EXOC1: variants seen among roughly 807,000 people sequenced by gnomAD.
EXOC1 encodes exocyst complex component 1.
In EXOC1, 67 loss-of-function variants were observed where a neutral mutation model predicts 107.7. The observed-to-expected ratio is 0.62, with a 90% confidence interval of 0.51 to 0.76. The LOEUF (loss-of-function observed/expected upper bound fraction) is 0.76. Among genes scored for constraint, EXOC1 ranks in the 30% least tolerant of loss-of-function variants. The probability of loss-of-function intolerance (pLI) is 0.00; values close to 1 mark genes in which losing one functional copy is unlikely to be tolerated. For synonymous variants in EXOC1, 348 were observed against 353.5 expected (o/e 0.98, Z 0.17); for missense variants, 833 against 1,055.7 (o/e 0.79, Z 2.92).
intron 1 of EXOC1, among the ~76,000 whole-genome samples, chr4:55,856,086 A>G (rs1234163895): frequency 1.3e-5 from 2 of 152,244 alleles, no homozygotes; most frequent in Non-Finnish European, 2.9e-5. Flanking sequence ...GGAACGGAAA[A>G]AGGAATCATC....
Position 55,877,142 on chromosome 4 carries a change from G to T in EXOC1, c.1075-775G>T, listed in dbSNP as rs541036859. The stretch of plus-strand genomic sequence containing the variant: ...ACTTAAAAGAATTTAAATTCAGGAC[G>T]CTTATTTAGCTAATGTGTACCAACT... On this transcript the variant is annotated intron_variant, in intron 8 of 18. Transcript: ENST00000381295. 8.2e-6 allele frequency: 8 copies of T among 977,588 alleles called. No individual in the cohort carries two copies. The African/African-American group carries it at 1.4e-4, about 17-fold the overall frequency. 60.6% of individuals were successfully genotyped at this position (977,588 alleles called of 1,614,324 possible). A position where few individuals can be genotyped will look rare whatever the true frequency, so the allele number is the denominator to read the frequency against.
At position 55,893,772 on chromosome 4, in the gene EXOC1, A is replaced by T; in HGVS notation, c.1945A>T (p.Lys649Ter). The T allele has an allele frequency of 6.2e-7, 1 of 1,611,676 alleles. No individual in the cohort carries two copies. Among genetic ancestry groups the T allele is most frequent in the Non-Finnish European group, 8.5e-7 (1 of 1,179,130 alleles). ...VLVTVKRNFDKCISNQIRQME... is the reference protein window; with the variant it reads ...VLVTVKRNFD ...GGTGACTGTCAAAAGGAACTTTGAC[A>T]AATGCATTGTAAGTTTTCTTTTTTA... Residue 649 changes from lysine to a stop codon, truncating the protein, a stop_gained, in exon 15 of 19, where the codon AAA (lysine) becomes TAA (stop). Coordinates refer to ENST00000381295, the MANE Select transcript of EXOC1 (RefSeq NM_001024924.2). LOFTEE classifies it high-confidence loss of function.
intron 16 of EXOC1, 98 bp downstream of exon 16, chr4:55,896,998 C>T (rs988950983): frequency 7.1e-6 from 7 of 987,958 alleles, no homozygotes; most frequent in African/African-American, 5.2e-5. Context: ...TTTTGTATAT[C>T]TTATAATCTT....
intron 8 of EXOC1, among the ~76,000 whole-genome samples, chr4:55,873,636 A>G (rs1225292166): frequency 6.6e-6 from 1 of 152,184 alleles, no homozygotes; most frequent in Non-Finnish European, 1.5e-5. Flanking sequence ...TGAAAAGCTG[A>G]TATGTGTTAT....
intron 15 of EXOC1, 116 bp downstream of exon 15, chr4:55,893,896 C>T (rs1281812114): frequency 2.4e-6 from 2 of 832,044 alleles, no homozygotes; most frequent in East Asian, 5.3e-5. Flanking sequence ...TTGTTTATGT[C>T]CCTCGAAGCA....
At chr4:55,878,488 A>G (rs560612716) in intron 9 of EXOC1, among the ~76,000 whole-genome samples, 33 of 152,316 alleles carry the variant, frequency 2.2e-4, no homozygotes, top group African/African-American at 7.2e-4. Flanking sequence ...CCTACCTAAT[A>G]AGCATCTACT....
Position 55,864,214 on chromosome 4 carries a change from A to G in EXOC1, c.256-13A>G, listed in dbSNP as rs1250947909. On this transcript the variant is annotated splice_polypyrimidine_tract_variant and intron_variant, in intron 3 of 18. Coordinates refer to ENST00000381295, the MANE Select transcript of EXOC1 (RefSeq NM_001024924.2). ...TGATCAAAAATAATATCTTTTGTAT[A>G]TTTTTATTTTAGGAAAATCCTGAAT... The G allele has an allele frequency of 2.0e-6, 3 of 1,465,746 alleles. No individual in the cohort carries two copies. The highest frequency in any genetic ancestry group is 2.8e-6 in the Non-Finnish European group (3 of 1,077,386). 90.8% of individuals were successfully genotyped at this position (1,465,746 alleles called of 1,614,324 possible). A position where few individuals can be genotyped will look rare whatever the true frequency, so the allele number is the denominator to read the frequency against.
Position 55,868,417 on chromosome 4 carries a change from GAGA to G in EXOC1, c.502_504del (p.Glu168del), listed in dbSNP as rs774712061. The stretch of plus-strand genomic sequence containing the variant: ...GATGAATACCAAGAGTTAAATGCAA[GAGA>G]AGAACAGGATATCGAAATAATGATG... On this transcript the variant is annotated inframe_deletion, in exon 5 of 19. Coordinates refer to ENST00000381295, the MANE Select transcript of EXOC1 (RefSeq NM_001024924.2). 6.2e-7 allele frequency: 1 copy of G among 1,613,750 alleles called. No homozygotes were observed.
At chr4:55,889,550 A>G (rs972652732) in intron 11 of EXOC1, among the ~76,000 whole-genome samples, 4 of 152,170 alleles carry the variant, frequency 2.6e-5, no homozygotes, top group African/African-American at 9.7e-5. Flanking sequence ...TGATGTATGT[A>G]TTACATTTCG....
At chr4:55,877,435 A>G (rs1289527197) in intron 8 of EXOC1, 6 of 985,278 alleles carry the variant, frequency 6.1e-6, no homozygotes, top group African/African-American at 1.7e-5. Flanking sequence ...CAAGGTTCCA[A>G]TTCCAAGCTC....
chr4:55,884,041 A>G lies in EXOC1; in HGVS notation c.1330+113A>G, dbSNP rs188676836. The G allele has an allele frequency of 2.9e-5, 21 of 725,112 alleles. No homozygotes were observed. In the African/African-American group the frequency reaches 3.8e-4, roughly 13 times the overall value. The allele number at this position is 725,112 out of a possible 1,614,324, so 44.9% of individuals were successfully genotyped here. On this transcript the variant is annotated intron_variant, in intron 10 of 18. Transcript: ENST00000381295. ...GAGGTAGATCCAGCAGAATTTATGAAAAAAGAGGTCTAAAACGTTGGCTTG... is the reference window on the plus strand; with the variant it reads ...GAGGTAGATCCAGCAGAATTTATGAGAAAAGAGGTCTAAAACGTTGGCTTG...
intron 14 of EXOC1, 100 bp from the exon 15 acceptor site, chr4:55,893,452 G>T: frequency 2.0e-6 from 2 of 1,005,428 alleles, no homozygotes; most frequent in Non-Finnish European, 2.9e-6. Context: ...TTTAATTATG[G>T]TATTTTTGTC....
At position 55,862,988 on chromosome 4, in the gene EXOC1, C is replaced by A. The variant is rs201575177; in HGVS notation, c.256-1239C>A. Among the ~76,000 whole-genome samples, 9 of 152,224 alleles carry A rather than the reference C, an allele frequency of 5.9e-5. No homozygotes were observed. In the East Asian group the frequency reaches 1.7e-3, roughly 30 times the overall value. ...CAATCTTGGCTCACTGCAGCCTCCA[C>A]CTTCCGGGCTCAAGCCATCCTCCCA... On this transcript the variant is annotated intron_variant, in intron 3 of 18. Transcript: ENST00000381295.
chr4:55,875,729 C>G (rs1438034802), intron 8 of EXOC1: 2 of 985,148 alleles, frequency 2.0e-6, no homozygotes, highest in East Asian at 2.3e-4. Flanking sequence ...TGATATAAGT[C>G]TGTCAAATAT....
chr4:55,899,570 G>C (rs1464481450), intron 16 of EXOC1, 115 bp from the exon 17 acceptor site: 1 of 904,598 alleles, frequency 1.1e-6, no homozygotes, highest in Non-Finnish European at 1.6e-6. Context: ...ATTAAGTCCA[G>C]AAATGTGCTT....
intron 16 of EXOC1, 114 bp downstream of exon 16, chr4:55,897,014 G>A: frequency 3.8e-6 from 3 of 799,594 alleles, no homozygotes; most frequent in South Asian, 2.5e-5. Context: ...ATCTTTTTTA[G>A]GTTTTCTAAC....
intron 8 of EXOC1, among the ~76,000 whole-genome samples, chr4:55,873,200 C>T (rs1482366438): frequency 6.6e-6 from 1 of 151,744 alleles, no homozygotes; most frequent in Non-Finnish European, 1.5e-5. Context: ...TCTAGGGAAG[C>T]GAGACAAACA....
chr4:55,862,609 G>A (rs185006797), intron 3 of EXOC1, among the ~76,000 whole-genome samples: 101 of 152,018 alleles, frequency 6.6e-4, no homozygotes, highest in African/African-American at 2.2e-3. Flanking sequence ...AATTTTTGAC[G>A]CTTCAATTCT....
At chr4:55,888,706 A>G (rs976139140) in intron 10 of EXOC1, 182 bp from the exon 11 acceptor site, 5 of 577,110 alleles carry the variant, frequency 8.7e-6, no homozygotes, top group Non-Finnish European at 1.5e-5. Context: ...TCTCTCATAT[A>G]ATTTCTCAAA....
Sources: gnomAD v4.1 joint callset for allele counts (sites outside exome capture counted in the v4.1 genomes callset) on GRCh38, gnomAD v4.1.1 for gene constraint, MANE v1.5 for transcripts, NCBI Gene and HGNC (gene_info 2026-07-23, HGNC 2026-07-21) for gene names.